CCL28: variants seen among roughly 807,000 people sequenced by gnomAD.
CCL28 encodes C-C motif chemokine ligand 28.
CCL28 carries 4 observed loss-of-function variants against 7.1 expected under a neutral mutation model. The ratio of observed to expected loss-of-function variants is 0.56; its 90% confidence interval spans 0.28 to 1.29. The LOEUF (loss-of-function observed/expected upper bound fraction) is 1.29. Among genes scored for constraint, CCL28 ranks in the 50% most tolerant of loss-of-function variants. CCL28 has a pLI of 0.11. For missense variants in CCL28, 151 were observed against 163.4 expected, an observed-to-expected ratio of 0.92 and a Z score of 0.41; for synonymous variants, 55 against 57.8, an observed-to-expected ratio of 0.95 and a Z score of 0.22.
At chr5:43,394,144 A>G (rs1740704125) in intron 1 of CCL28, among the ~76,000 whole-genome samples, 1 of 152,160 alleles carries the variant, frequency 6.6e-6, no homozygotes, top group African/African-American at 2.4e-5. Flanking sequence ...TTACACATAC[A>G]CATAGGTCTG....
chr5:43,367,328 C>T, the CCL28 span, among the ~76,000 whole-genome samples: 1 of 152,222 alleles, frequency 6.6e-6, no homozygotes, highest in African/African-American at 2.4e-5. Context: ...AATGGCCGCC[C>T]AGTTTTGTGC....
At chr5:43,365,092 A>G in the CCL28 span, among the ~76,000 whole-genome samples, 6 of 142,812 alleles carry the variant, frequency 4.2e-5, no homozygotes, top group African/African-American at 1.6e-4. Context: ...GCAACCTCTG[A>G]CTCCCTGGTT....
chr5:43,408,009 TG>T (rs1343984135), intron 1 of CCL28, among the ~76,000 whole-genome samples: 2 of 152,352 alleles, frequency 1.3e-5, no homozygotes, highest in African/African-American at 4.8e-5. Flanking sequence ...GGAGAGGATG[TG>T]GAGAAATAGG....
In CCL28 at chr5:43,384,886, G is replaced by A. The variant is rs192597906; in HGVS notation, c.192-2834C>T. Among the ~76,000 whole-genome samples, 4 of 151,984 alleles carry A rather than the reference G, an allele frequency of 2.6e-5. No individual in the cohort carries two copies. In the East Asian group the frequency reaches 7.7e-4, roughly 29 times the overall value. On this transcript the variant is annotated intron_variant, in intron 2 of 2. Coordinates refer to ENST00000361115, the MANE Select transcript of CCL28 (RefSeq NM_148672.3). Reference sequence around the variant, plus strand: ...TGTCTGTTTGATTCAAGAATCCTCAGGCCTCTGCCCAACATAAACAACTTT... The same window carrying A: ...TGTCTGTTTGATTCAAGAATCCTCAAGCCTCTGCCCAACATAAACAACTTT...
At chr5:43,359,598 T>A in the CCL28 span, among the ~76,000 whole-genome samples, 1 of 152,204 alleles carries the variant, frequency 6.6e-6, no homozygotes, top group African/African-American at 2.4e-5. Context: ...TGGCCAGTTT[T>A]GGGGCCAGTT....
downstream of CCL28, chr5:43,376,985 C>G (rs1351957580): frequency 1.3e-5 from 2 of 152,156 alleles, no homozygotes; most frequent in Non-Finnish European, 2.9e-5. Context: ...GTAACAGACT[C>G]CACATAATTC....
chr5:43,381,761 C>T lies in CCL28; in HGVS notation c.*99G>A, dbSNP rs1204311442. Reference sequence around the variant, plus strand: ...TTAAAAACCAATATTTTGTTTTGTTCTGTTGTCTACAATAAGGAGAATTCA... The same window carrying T: ...TTAAAAACCAATATTTTGTTTTGTTTTGTTGTCTACAATAAGGAGAATTCA... On this transcript the variant is annotated 3_prime_UTR_variant, in exon 3 of 3. Coordinates refer to ENST00000361115, the MANE Select transcript of CCL28 (RefSeq NM_148672.3). The T allele has an allele frequency of 2.9e-6, 3 of 1,017,882 alleles. No individual in the cohort carries two copies. In the African/African-American group the frequency reaches 4.9e-5, roughly 16 times the overall value. 63.1% of individuals were successfully genotyped at this position (1,017,882 alleles called of 1,614,324 possible). A position where few individuals can be genotyped will look rare whatever the true frequency, so the allele number is the denominator to read the frequency against.
rs1371852365 is a variant in CCL28, at chr5:43,381,405, G to C, written c.*455C>G. 2.0e-5 allele frequency: 3 copies of C among 152,478 alleles called. No homozygotes were observed. The highest frequency in any genetic ancestry group is 7.3e-5 in the African/African-American group (3 of 41,368). 9.4% of individuals were successfully genotyped at this position (152,478 alleles called of 1,614,324 possible). On this transcript the variant is annotated 3_prime_UTR_variant, in exon 3 of 3. Coordinates refer to ENST00000361115, the MANE Select transcript of CCL28 (RefSeq NM_148672.3). Reference sequence around the variant, plus strand: ...TTATTATTATTATTTTTAGAGACAGGGTCTCATTCTGTCACCCAGGCTGCT... The same window carrying C: ...TTATTATTATTATTTTTAGAGACAGCGTCTCATTCTGTCACCCAGGCTGCT...
At chr5:43,406,719 G>C (rs1741297683) in intron 1 of CCL28, among the ~76,000 whole-genome samples, 1 of 152,176 alleles carries the variant, frequency 6.6e-6, no homozygotes, top group African/African-American at 2.4e-5. Context: ...GTCTGCAGAC[G>C]ACATGATTGT....
chr5:43,406,770 A>T (rs1388479311), intron 1 of CCL28, among the ~76,000 whole-genome samples: 1 of 152,234 alleles, frequency 6.6e-6, no homozygotes. Context: ...AAATCTCCTT[A>T]AGCTGATAAG....
At chr5:43,373,710 C>T (rs901428568), downstream of CCL28, among the ~76,000 whole-genome samples, 4 of 152,216 alleles carry the variant, frequency 2.6e-5, no homozygotes, top group Non-Finnish European at 2.9e-5. Context: ...CTTTTATAAT[C>T]TCCAAGGCCA....
intron 2 of CCL28, 115 bp from the exon 3 acceptor site, chr5:43,382,167 A>G (rs576992574): frequency 1.9e-5 from 17 of 881,090 alleles, no homozygotes; most frequent in Non-Finnish European, 2.8e-5. Flanking sequence ...GACTAAATTC[A>G]GACTAAATTT....
downstream of CCL28, among the ~76,000 whole-genome samples, chr5:43,373,270 C>T (rs1739825157): frequency 1.3e-5 from 2 of 152,034 alleles, no homozygotes; most frequent in African/African-American, 4.8e-5. Flanking sequence ...ATAAAAGTTC[C>T]AGTTGCTCCA....
chr5:43,366,617 T>G, the CCL28 span, among the ~76,000 whole-genome samples: 5 of 152,214 alleles, frequency 3.3e-5, no homozygotes, highest in Non-Finnish European at 7.3e-5. Flanking sequence ...TCATGAGGCA[T>G]GGGGGTCAGG....
At chr5:43,358,135 C>T in the CCL28 span, among the ~76,000 whole-genome samples, 1 of 152,216 alleles carries the variant, frequency 6.6e-6, no homozygotes, top group Non-Finnish European at 1.5e-5. Flanking sequence ...AGGCCCTTCC[C>T]CAACTTCCAC....
At chr5:43,369,791 T>A in the CCL28 span, among the ~76,000 whole-genome samples, 94,216 of 152,006 alleles carry the variant, frequency 0.62, 31,125 homozygotes, top group African/African-American at 0.85. Flanking sequence ...CCAATGAATC[T>A]TACCTCCTGG....
intron 1 of CCL28, among the ~76,000 whole-genome samples, chr5:43,392,814 A>C (rs1019968129): frequency 6.6e-6 from 1 of 152,152 alleles, no homozygotes; most frequent in Non-Finnish European, 1.5e-5. Flanking sequence ...CTTGATTTTT[A>C]AAAAATTATT....
intron 1 of CCL28, among the ~76,000 whole-genome samples, chr5:43,401,976 T>A (rs1741057924): frequency 6.6e-6 from 1 of 152,194 alleles, no homozygotes; most frequent in Admixed American, 6.5e-5. Flanking sequence ...CTGCAGTGCT[T>A]TAGCTTCAGT....
chr5:43,403,050 G>GGACT (rs1417113204), intron 1 of CCL28, among the ~76,000 whole-genome samples: 6 of 152,200 alleles, frequency 3.9e-5, no homozygotes, highest in Non-Finnish European at 7.3e-5. Context: ...AGCTCAAGGA[G>GGACT]GCCTGCCTGC....
Sources: allele counts gnomAD v4.1 joint callset (sites outside exome capture counted in the v4.1 genomes callset), GRCh38; gene constraint gnomAD v4.1.1; transcripts MANE v1.5; gene names NCBI Gene and HGNC (gene_info 2026-07-23, HGNC 2026-07-21).